MAP7D2: variants seen among roughly 807,000 people sequenced by gnomAD.
The protein encoded by MAP7D2 is MAP7 domain-containing protein 2.
In MAP7D2, 33 loss-of-function variants were observed where a neutral mutation model predicts 63.5. The ratio of observed to expected loss-of-function variants is 0.52; its 90% CI spans 0.39 to 0.70. The LOEUF (loss-of-function observed/expected upper bound fraction) is 0.70. Ranked by LOEUF, MAP7D2 falls within the 30% of genes least tolerant of loss-of-function variation. MAP7D2 has a pLI of 0.00. For missense variants in MAP7D2, 626 were observed against 604.0 expected (o/e 1.04, Z -0.38); for synonymous variants, 224 against 223.7 (o/e 1.00, Z -0.01).
intron 1 of MAP7D2, among the ~76,000 whole-genome samples, chrX:20,094,215 C>T (rs2066145139): frequency 9.2e-6 from 1 of 108,122 alleles, no homozygotes; most frequent in Non-Finnish European, 1.9e-5. Flanking sequence ...TAGTTCCCTG[C>T]TAGGGAAGGG....
At chrX:20,108,670 T>C (rs1221619083) in intron 1 of MAP7D2, among the ~76,000 whole-genome samples, 1 of 109,730 alleles carries the variant, frequency 9.1e-6, no homozygotes, top group Non-Finnish European at 1.9e-5. Context: ...CATATATTTT[T>C]CTTTACTGTG....
At chrX:20,070,137 C>T (rs192210885) in intron 1 of MAP7D2, among the ~76,000 whole-genome samples, 34 of 110,766 alleles carry the variant, frequency 3.1e-4, no homozygotes, top group African/African-American at 9.5e-4. Context: ...TTAGTAGAGA[C>T]GGGGTTTCAC....
At position 20,016,247 on chromosome X, in the gene MAP7D2, T is replaced by C; in HGVS notation, c.1491A>G (p.Glu497=). 8.3e-7 allele frequency: 1 copy of C among 1,210,594 alleles called. No individual in the cohort carries two copies. The change falls in exon 11 of 17, where the codon GAA becomes GAG. Residue 497 remains glutamate (E), a synonymous_variant. Coordinates refer to ENST00000379643, the MANE Select transcript of MAP7D2 (RefSeq NM_001168465.2). ...RLEEEARKQE[E]ERKRQEEEKK... Reference sequence around the variant, plus strand: ...TTTCCTCTTCCTGCCGCTTCCTTTCTTCTTCCTGCTTTCGGGCTTCCTCTT... The same window carrying C: ...TTTCCTCTTCCTGCCGCTTCCTTTCCTCTTCCTGCTTTCGGGCTTCCTCTT...
rs141659502 is a variant in MAP7D2 at position 20,103,122 on chromosome X, T to C, written c.130+13628A>G. Among the ~76,000 whole-genome samples the C allele has an allele frequency of 3.8e-3, 429 of 111,862 alleles. 10 individuals are homozygous for C. Among genetic ancestry groups the C allele is most frequent in the Admixed American group, 0.037 (395 of 10,539 alleles). ...CCTCACTTCCTGCCACGGGGTTCTC[T>C]GGCCTAGGGTGTGGTTGAGGTCCCT... On this transcript the variant is annotated intron_variant, in intron 1 of 16. Transcript: ENST00000379643.
chrX:20,082,500 C>T (rs2065801566), intron 1 of MAP7D2, among the ~76,000 whole-genome samples: 1 of 112,351 alleles, frequency 8.9e-6, no homozygotes, highest in Non-Finnish European at 1.9e-5. Context: ...AGAGTTACCC[C>T]CATCCTAGGC....
chrX:20,019,209 T>A (rs994947657), intron 10 of MAP7D2, among the ~76,000 whole-genome samples: 8 of 110,146 alleles, frequency 7.3e-5, no homozygotes, highest in African/African-American at 1.7e-4. Flanking sequence ...AATTTTTTTT[T>A]AATAGAGACA....
At chrX:20,043,902 G>GC (rs1431515071) in intron 7 of MAP7D2, among the ~76,000 whole-genome samples, 1 of 111,692 alleles carries the variant, frequency 9.0e-6, no homozygotes. Flanking sequence ...GGAGGCTGAG[G>GC]CAGGAGGATT....
intron 10 of MAP7D2, among the ~76,000 whole-genome samples, chrX:20,019,271 C>T (rs757720959): frequency 8.1e-5 from 9 of 110,921 alleles, no homozygotes; most frequent in African/African-American, 9.9e-5. Context: ...TCAAGTGATC[C>T]GCCCACCCCA....
rs1364751270 is a variant in MAP7D2 at position 20,094,542 on chromosome X, GTA to G, written c.130+22206_130+22207del. Among the ~76,000 whole-genome samples, 30 of 6,104 alleles carry G rather than the reference GTA, an allele frequency of 4.9e-3. 3 individuals carry two copies. The highest frequency in any genetic ancestry group is 0.02 in the East Asian group (2 of 102). 5.3% of individuals were successfully genotyped at this position (6,104 alleles called of 115,157 possible). A position where few individuals can be genotyped will look rare whatever the true frequency, so the allele number is the denominator to read the frequency against. On this transcript the variant is annotated intron_variant, in intron 1 of 16. Coordinates refer to ENST00000379643, the MANE Select transcript of MAP7D2 (RefSeq NM_001168465.2). ...TATATATATATATATATATATATAT[GTA>G]TATATATATATATATATATATATAC... is the stretch of plus-strand genomic sequence containing the variant.
At chrX:20,018,610 T>C (rs780465119) in intron 10 of MAP7D2, among the ~76,000 whole-genome samples, 25 of 108,206 alleles carry the variant, frequency 2.3e-4, no homozygotes, top group Non-Finnish European at 2.1e-4. Context: ...GCCCAGCTAA[T>C]TTTTGTAGTT....
chrX:20,008,663 T>C (rs1260799819), intron 16 of MAP7D2, among the ~76,000 whole-genome samples: 1 of 112,095 alleles, frequency 8.9e-6, no homozygotes, highest in Non-Finnish European at 1.9e-5. Context: ...TGTCTCAAGC[T>C]TTGTCTTTCA....
intron 1 of MAP7D2, among the ~76,000 whole-genome samples, chrX:20,066,752 C>T (rs1269392980): frequency 9.0e-6 from 1 of 111,233 alleles, no homozygotes; most frequent in Non-Finnish European, 1.9e-5. Context: ...ATCTTCAAGA[C>T]CCCCACTGTC....
intron 1 of MAP7D2, among the ~76,000 whole-genome samples, chrX:20,065,575 G>T (rs1603384378): frequency 9.0e-6 from 1 of 111,362 alleles, no homozygotes; most frequent in African/African-American, 3.3e-5. Flanking sequence ...CCTACTTTCT[G>T]AAAGGAGCCA....
chrX:20,015,247 C>T lies in MAP7D2; in HGVS notation c.1725G>A (p.Glu575=), dbSNP rs373578003. 5.0e-6 allele frequency: 6 copies of T among 1,208,702 alleles called. No individual in the cohort carries two copies. The highest frequency in any genetic ancestry group is 6.7e-6 in the Non-Finnish European group (6 of 894,317). ...LEREQIMLQI[E]QERLERKKRI... Reference sequence around the variant, plus strand: ...CCTTCTTTCTCTCCAGTCTCTCCTGCTCAATCTGCAGCATAATCTGTTCTC... The same window carrying T: ...CCTTCTTTCTCTCCAGTCTCTCCTGTTCAATCTGCAGCATAATCTGTTCTC... The change falls in exon 12 of 17, where the codon GAG becomes GAA. Residue 575 remains glutamate, a synonymous_variant. Transcript: ENST00000379643.
chrX:20,045,044 G>A (rs766746357), intron 6 of MAP7D2, among the ~76,000 whole-genome samples: 1 of 111,289 alleles, frequency 9.0e-6, no homozygotes, highest in Non-Finnish European at 1.9e-5. Flanking sequence ...GGGAGGGGAT[G>A]CCTACATATC....
At chrX:20,050,691 G>T in intron 6 of MAP7D2, 133 bp downstream of exon 6, 1 of 712,610 alleles carries the variant, frequency 1.4e-6, no homozygotes, top group Non-Finnish European at 1.9e-6. Flanking sequence ...GGTATAAGAC[G>T]TTATTAACCA....
At chrX:20,047,744 A>G (rs778126528) in intron 6 of MAP7D2, among the ~76,000 whole-genome samples, 3 of 109,704 alleles carry the variant, frequency 2.7e-5, no homozygotes, top group Non-Finnish European at 5.7e-5. Flanking sequence ...TAAGCCTAGG[A>G]GGTTGAGGCC....
chrX:20,084,083 C>T (rs2065843296), intron 1 of MAP7D2, among the ~76,000 whole-genome samples: 2 of 110,106 alleles, frequency 1.8e-5, no homozygotes, highest in African/African-American at 6.6e-5. Context: ...CGCCTGTAAT[C>T]CCAGCTACTC....
chrX:20,040,266 G>C (rs1240166591), intron 8 of MAP7D2, among the ~76,000 whole-genome samples: 1 of 111,396 alleles, frequency 9.0e-6, no homozygotes, highest in East Asian at 2.8e-4. Flanking sequence ...CCTTGTGATC[G>C]TGTGAGTTAA....
Sources: gnomAD v4.1 joint callset for allele counts (sites outside exome capture counted in the v4.1 genomes callset) on GRCh38, gnomAD v4.1.1 for gene constraint, MANE v1.5 for transcripts, NCBI Gene and HGNC (gene_info 2026-07-23, HGNC 2026-07-21) for gene names.